The following AUTS2 variants were observed in gnomAD, a reference collection of about 807,000 sequenced individuals.
AUTS2 encodes the protein activator of transcription and developmental regulator AUTS2.
AUTS2 carries 17 observed loss-of-function variants against 112.4 expected under a neutral mutation model. That is an observed-to-expected ratio of 0.15 (90% CI 0.10 to 0.23). The LOEUF is 0.23. AUTS2 is among the 10% of genes least tolerant of loss of function. The pLI is 1.00. For synonymous variants in AUTS2, 751 were observed against 702.7 expected, an observed-to-expected ratio of 1.07 and a Z score of -1.09; for missense variants, 1,510 against 1,701.6, an observed-to-expected ratio of 0.89 and a Z score of 1.98.
chr7:69,619,302 G>C (rs1240027698), intron 1 of AUTS2, among the ~76,000 whole-genome samples: 3 of 152,166 alleles, frequency 2.0e-5, no homozygotes, highest in African/African-American at 7.2e-5. Flanking sequence ...TGAGGCATTA[G>C]AGAGGGGACT....
chr7:70,704,573 G>C (rs941039865), intron 6 of AUTS2, among the ~76,000 whole-genome samples: 1 of 152,198 alleles, frequency 6.6e-6, no homozygotes, highest in African/African-American at 2.4e-5. Context: ...GTTTTGTGTA[G>C]TTAATGATGT....
chr7:69,874,935 C>G (rs1584374629), intron 1 of AUTS2, among the ~76,000 whole-genome samples: 1 of 151,632 alleles, frequency 6.6e-6, no homozygotes, highest in Non-Finnish European at 1.5e-5. Context: ...AGTTGCATTG[C>G]ATCTGTTTGA....
chr7:70,251,911 C>T (rs897986645), intron 4 of AUTS2, among the ~76,000 whole-genome samples: 1 of 152,002 alleles, frequency 6.6e-6, no homozygotes, highest in Non-Finnish European at 1.5e-5. Context: ...TTATTTCACT[C>T]CATTTGATTT....
At chr7:70,771,737 A>C (rs1325326723) in intron 11 of AUTS2, 93 bp downstream of exon 11, 2 of 1,109,300 alleles carry the variant, frequency 1.8e-6, no homozygotes, top group East Asian at 4.7e-5. Flanking sequence ...TTGCCTGTGC[A>C]GTGACTCATT....
chr7:69,760,392 C>T (rs1255134722), intron 1 of AUTS2, among the ~76,000 whole-genome samples: 1 of 150,992 alleles, frequency 6.6e-6, no homozygotes, highest in African/African-American at 2.4e-5. Context: ...AAAAGGGAAA[C>T]CATAATTCCA....
At chr7:69,819,468 T>C (rs1790894219) in intron 1 of AUTS2, among the ~76,000 whole-genome samples, 1 of 152,194 alleles carries the variant, frequency 6.6e-6, no homozygotes, top group Non-Finnish European at 1.5e-5. Context: ...ACCTCTATTG[T>C]CCTCCTGATG....
chr7:70,411,872 AT>A (rs902650169), intron 4 of AUTS2, among the ~76,000 whole-genome samples: 7 of 148,672 alleles, frequency 4.7e-5, no homozygotes, highest in African/African-American at 1.7e-4. Flanking sequence ...GCTGCCAAGG[AT>A]TGTTGATGAA....
chr7:69,902,852 G>A (rs1343601339), intron 2 of AUTS2, among the ~76,000 whole-genome samples: 1 of 152,138 alleles, frequency 6.6e-6, no homozygotes, highest in Non-Finnish European at 1.5e-5. Context: ...ATGTTTTTAA[G>A]TATAAATACA....
intron 5 of AUTS2, among the ~76,000 whole-genome samples, chr7:70,532,471 A>G (rs527261730): frequency 1.3e-5 from 2 of 152,320 alleles, no homozygotes; most frequent in South Asian, 2.1e-4. Flanking sequence ...TAGTTGTTCA[A>G]CCAAGGCCTA....
intron 1 of AUTS2, among the ~76,000 whole-genome samples, chr7:69,768,739 G>C (rs1012050285): frequency 2.6e-5 from 4 of 152,204 alleles, no homozygotes; most frequent in African/African-American, 9.6e-5. Context: ...CTTGATTAGA[G>C]AGGAGGGGAG....
intron 1 of AUTS2, among the ~76,000 whole-genome samples, chr7:69,849,748 C>G (rs1792375875): frequency 1.3e-5 from 2 of 152,044 alleles, no homozygotes. Context: ...ATCCATCAAC[C>G]TTGTTGCTTG....
At chr7:70,159,867 T>A (rs1807982720) in intron 4 of AUTS2, among the ~76,000 whole-genome samples, 1 of 152,172 alleles carries the variant, frequency 6.6e-6, no homozygotes, top group Non-Finnish European at 1.5e-5. Context: ...TAGTTAGATA[T>A]AACAAGATTT....
chr7:70,308,213 A>G (rs1177890204), intron 4 of AUTS2, among the ~76,000 whole-genome samples: 1 of 152,188 alleles, frequency 6.6e-6, no homozygotes, highest in Admixed American at 6.5e-5. Context: ...TTGAAGGAAG[A>G]GGAAAGAGAT....
intron 2 of AUTS2, among the ~76,000 whole-genome samples, chr7:70,100,308 T>G (rs1804415621): frequency 6.6e-6 from 1 of 152,206 alleles, no homozygotes; most frequent in Admixed American, 6.5e-5. Context: ...CTGGGCCTGG[T>G]CTTGCATTTT....
chr7:69,948,217 G>A (rs2129545666), intron 2 of AUTS2, among the ~76,000 whole-genome samples: 1 of 152,246 alleles, frequency 6.6e-6, no homozygotes, highest in South Asian at 2.1e-4. Context: ...TGGAGTGGTG[G>A]CCACTCAAGC....
intron 4 of AUTS2, among the ~76,000 whole-genome samples, chr7:70,281,609 A>G (rs1405534402): frequency 6.6e-6 from 1 of 152,268 alleles, no homozygotes; most frequent in Non-Finnish European, 1.5e-5. Flanking sequence ...CAGAGAAGAA[A>G]AATATGATCT....
chr7:70,773,948 T>C, intron 11 of AUTS2, 80 bp from the exon 12 acceptor site: 1 of 1,347,248 alleles, frequency 7.4e-7, no homozygotes, highest in Non-Finnish European at 1.1e-6. Context: ...GCTTCTCTCA[T>C]TTAGCAGAAG....
chr7:69,726,090 C>T (rs867326437), intron 1 of AUTS2, among the ~76,000 whole-genome samples: 35 of 152,136 alleles, frequency 2.3e-4, no homozygotes, highest in African/African-American at 7.0e-4. Context: ...TAAGTGTACA[C>T]ATCAATGAAT....
chr7:69,957,993 G>A (rs1797284558), intron 2 of AUTS2, among the ~76,000 whole-genome samples: 1 of 152,124 alleles, frequency 6.6e-6, no homozygotes, highest in African/African-American at 2.4e-5. Context: ...CTGGTGGTGA[G>A]GTACTGAAAA....
Sources: allele counts gnomAD v4.1 joint callset (sites outside exome capture counted in the v4.1 genomes callset), GRCh38; gene constraint gnomAD v4.1.1; transcripts MANE v1.5; gene names NCBI Gene and HGNC (gene_info 2026-07-23, HGNC 2026-07-21).